The following AGL variants were observed in gnomAD, a reference collection of about 807,000 sequenced individuals.
The protein encoded by AGL is amylo-alpha-1,6-glucosidase and 4-alpha-glucanotransferase.
Under a neutral mutation model 199.3 loss-of-function variants are expected in AGL, and 128 were observed. The ratio of observed to expected loss-of-function variants is 0.64; its 90% CI spans 0.56 to 0.74. AGL has a LOEUF of 0.74. AGL is among the 30% of genes least tolerant of loss of function. AGL has a pLI of 0.00. For missense variants in AGL, 1,809 were observed against 1,820.8 expected (o/e 0.99, Z 0.12); for synonymous variants, 584 against 594.7 (o/e 0.98, Z 0.26).
At chr1:99,858,689 T>C (rs773103395) in intron 2 of AGL, among the ~76,000 whole-genome samples, 4 of 152,230 alleles carry the variant, frequency 2.6e-5, no homozygotes, top group Non-Finnish European at 4.4e-5. Flanking sequence ...TGAATCACTT[T>C]ATTACAAAAT....
At chr1:99,892,712 A>T in intron 24 of AGL, 105 bp downstream of exon 24, 7 of 1,122,888 alleles carry the variant, frequency 6.2e-6, no homozygotes, top group Non-Finnish European at 7.8e-6. Flanking sequence ...GCTACTCAAG[A>T]TTTTATTTTA....
rs373513564 is a variant in AGL at position 99,881,663 on chromosome 1, C to T, written c.2280C>T (p.Ser760=). The T allele has an allele frequency of 5.1e-4, 816 of 1,613,756 alleles. 16 individuals carry two copies. In the South Asian group the frequency reaches 8.2e-3, roughly 16 times the overall value. Residue 760 remains serine (S), a synonymous_variant, in exon 17 of 34, where the codon AGC becomes AGT. Coordinates refer to ENST00000361915, the MANE Select transcript of AGL (RefSeq NM_000642.3). ...GGAATCCCAAGACTTCATTTTACAG[C>T]AAGGAAGTGCCTCAAATGTGCATCC... ...AFRNPKTSFY[S]KEVPQMCIPG... is the part of the protein sequence containing the mutation.
At chr1:99,856,374 C>G (rs889001377) in intron 2 of AGL, among the ~76,000 whole-genome samples, 1 of 117,966 alleles carries the variant, frequency 8.5e-6, no homozygotes, top group African/African-American at 3.1e-5. Context: ...CTTCCTTCCT[C>G]CCTTCCTCCC....
At chr1:99,897,732 C>T (rs999702796) in intron 25 of AGL, among the ~76,000 whole-genome samples, 2 of 152,158 alleles carry the variant, frequency 1.3e-5, no homozygotes, top group Admixed American at 6.5e-5. Flanking sequence ...CACCAGACTG[C>T]CAGCTTCTAA....
intron 5 of AGL, among the ~76,000 whole-genome samples, chr1:99,867,453 C>T (rs1650613747): frequency 6.6e-6 from 1 of 152,182 alleles, no homozygotes; most frequent in East Asian, 1.9e-4. Context: ...CCTCCCAACT[C>T]CCAGCCTGGG....
At chr1:99,900,890 G>GTTTTTTTT in intron 26 of AGL, 29 bp downstream of exon 26, 4 of 1,307,080 alleles carry the variant, frequency 3.1e-6, no homozygotes, top group African/African-American at 1.6e-5. Flanking sequence ...ATGTTTTTTT[G>GTTTTTTTT]TTTTTTTTTT....
At chr1:99,887,033 C>T (rs780560762) in intron 20 of AGL, among the ~76,000 whole-genome samples, 21 of 152,158 alleles carry the variant, frequency 1.4e-4, no homozygotes, top group Non-Finnish European at 2.4e-4. Context: ...GGAGTTGATA[C>T]TGAGACTTCT....
rs149329879 is a variant in AGL, at chr1:99,891,083, G to A, written c.2813-137G>A. On this transcript the variant is annotated intron_variant, in intron 21 of 33. Transcript: ENST00000361915. The stretch of plus-strand genomic sequence containing the variant: ...ACTGTATTAAGCAGTGTTGTGGACT[G>A]GGTAGCCCTTGTGTGTGCCTCTAAT... 9.9e-5 allele frequency: 99 copies of A among 1,001,356 alleles called. No homozygotes were observed. In the Middle Eastern group the frequency reaches 2.1e-3, roughly 22 times the overall value. The allele number at this position is 1,001,356 out of a possible 1,614,324, so 62.0% of individuals were successfully genotyped here.
chr1:99,912,619 C>A, intron 29 of AGL, 102 bp downstream of exon 29: 2 of 858,248 alleles, frequency 2.3e-6, no homozygotes, highest in South Asian at 1.6e-5. Context: ...TCGGAAAACC[C>A]TTAAAATTAA....
intron 2 of AGL, among the ~76,000 whole-genome samples, chr1:99,858,758 A>C (rs1649783088): frequency 6.6e-6 from 1 of 152,046 alleles, no homozygotes; most frequent in African/African-American, 2.4e-5. Context: ...TCACTGAGAG[A>C]TATTATCAAT....
intron 2 of AGL, among the ~76,000 whole-genome samples, chr1:99,854,201 A>T (rs1462565586): frequency 6.6e-6 from 1 of 152,210 alleles, no homozygotes; most frequent in East Asian, 1.9e-4. Context: ...TCTTAAAAAA[A>T]AATAAAAAAT....
chr1:99,919,922 A>C (rs939379622), intron 33 of AGL, among the ~76,000 whole-genome samples: 1 of 152,006 alleles, frequency 6.6e-6, no homozygotes, highest in Non-Finnish European at 1.5e-5. Flanking sequence ...GGACTCTAAC[A>C]TCCTGCTCCA....
intron 7 of AGL, among the ~76,000 whole-genome samples, chr1:99,872,641 G>A (rs774637386): frequency 1.3e-5 from 2 of 151,320 alleles, no homozygotes; most frequent in Non-Finnish European, 2.9e-5. Context: ...TGATTCTCCT[G>A]CCTCAGCCTC....
chr1:99,891,841 C>A, intron 23 of AGL, 102 bp downstream of exon 23: 3 of 1,390,434 alleles, frequency 2.2e-6, no homozygotes, highest in Non-Finnish European at 3.0e-6. Flanking sequence ...AAAGAATTGT[C>A]ATAGAACTGA....
intron 2 of AGL, among the ~76,000 whole-genome samples, chr1:99,855,680 A>T (rs1004821220): frequency 1.3e-5 from 2 of 152,134 alleles, no homozygotes; most frequent in African/African-American, 4.8e-5. Context: ...ATGCACCTGT[A>T]GTCCCAGCTA....
At chr1:99,895,916 C>G (rs1240718106) in intron 24 of AGL, among the ~76,000 whole-genome samples, 1 of 152,186 alleles carries the variant, frequency 6.6e-6, no homozygotes, top group African/African-American at 2.4e-5. Context: ...GTGGAGGTTA[C>G]AGTGACGCAA....
chr1:99,916,057 A>G (rs1474415872), intron 31 of AGL, among the ~76,000 whole-genome samples: 7 of 152,128 alleles, frequency 4.6e-5, no homozygotes, highest in African/African-American at 1.4e-4. Flanking sequence ...ATTATTCTAT[A>G]TATATTTCAA....
intron 7 of AGL, among the ~76,000 whole-genome samples, chr1:99,873,776 T>C (rs895096903): frequency 1.3e-5 from 2 of 152,238 alleles, no homozygotes; most frequent in African/African-American, 4.8e-5. Flanking sequence ...CCTTAGAAAC[T>C]GGATTTTAAG....
rs770463818 is a variant in AGL at position 99,875,296 on chromosome 1, T to TA, written c.1185+41dup. ...TGAACTGCTGCTTTTCCTTGCATCTTACTACTATTTTTTTGTTGTCTTGAG... is the reference window on the plus strand; with the variant it reads ...TGAACTGCTGCTTTTCCTTGCATCTTAACTACTATTTTTTTGTTGTCTTGAG... On this transcript the variant is annotated intron_variant, in intron 9 of 33. Transcript: ENST00000361915. 2.7e-5 allele frequency: 43 copies of TA among 1,611,992 alleles called. No homozygotes were observed. The South Asian group carries it at 3.4e-4, about 13-fold the overall frequency.
Sources: gnomAD v4.1 joint callset for allele counts (sites outside exome capture counted in the v4.1 genomes callset) on GRCh38, gnomAD v4.1.1 for gene constraint, MANE v1.5 for transcripts, NCBI Gene and HGNC (gene_info 2026-07-23, HGNC 2026-07-21) for gene names.